Variants in CREBBP observed in about 807,000 individuals in gnomAD.
The protein encoded by CREBBP is CREB binding lysine acetyltransferase.
In CREBBP, 19 loss-of-function variants were observed where a neutral mutation model predicts 265.0. That is an observed-to-expected ratio of 0.07 (90% CI 0.05 to 0.11). The LOEUF (loss-of-function observed/expected upper bound fraction) is 0.11. Ranked by LOEUF, CREBBP falls within the 10% of genes least tolerant of loss-of-function variation. The pLI, the probability that CREBBP is intolerant of heterozygous loss-of-function variation, is 1.00. For synonymous variants in CREBBP, 1,457 were observed against 1,223.7 expected, an observed-to-expected ratio of 1.19 and a Z score of -3.98; for missense variants, 2,525 against 3,219.0, an observed-to-expected ratio of 0.78 and a Z score of 5.22.
At chr16:3,761,968 A>G (rs2052730206) in intron 16 of CREBBP, among the ~76,000 whole-genome samples, 2 of 152,240 alleles carry the variant, frequency 1.3e-5, no homozygotes, top group Non-Finnish European at 2.9e-5. Context: ...ATGGCCCAAG[A>G]GCTAACAATG....
At chr16:3,793,245 G>T in intron 4 of CREBBP, 141 bp downstream of exon 4, 1 of 1,134,030 alleles carries the variant, frequency 8.8e-7, no homozygotes, top group Non-Finnish European at 1.3e-6. Flanking sequence ...TGGGGAACGT[G>T]AGCGCAACAT....
intron 23 of CREBBP, chr16:3,742,364 G>T (rs1432162640): frequency 6.6e-6 from 1 of 152,168 alleles, no homozygotes; most frequent in Non-Finnish European, 1.5e-5. Flanking sequence ...TTATGTCCTT[G>T]TATGTGCCGT....
chr16:3,792,008 T>G lies in CREBBP; in HGVS notation c.1303A>C (p.Asn435His). 1 of 1,614,206 alleles carries G rather than the reference T, an allele frequency of 6.2e-7. No homozygotes were observed. Among genetic ancestry groups the G allele is most frequent in the Non-Finnish European group, 8.5e-7 (1 of 1,180,014 alleles). ...HDCPVCLPLK[N>H]ASDKRNQQTI... is the part of the protein sequence containing the mutation. Reference sequence around the variant, plus strand: ...TGTTGGTTTCGCTTGTCACTGGCATTTTTCAAAGGGAGGCAAACAGGACAG... The same window carrying G: ...TGTTGGTTTCGCTTGTCACTGGCATGTTTCAAAGGGAGGCAAACAGGACAG... The change falls in exon 5 of 31, where the codon AAT (asparagine) becomes CAT (histidine). Residue 435 changes from asparagine to histidine, a missense_variant. Around this residue, in one of 19 missense-constraint regions of CREBBP, gnomAD observed 48 missense variants for 70.2 expected, o/e 0.68. Coordinates refer to ENST00000262367, the MANE Select transcript of CREBBP (RefSeq NM_004380.3).
chr16:3,757,800 A>T lies in CREBBP; in HGVS notation c.3609+9T>A, dbSNP rs918337353. ...AAAATTCACTTTCCGGAAAAACTTA[A>T]AACTGTACCTTGCGTCCACAGCAAT... On this transcript the variant is annotated intron_variant, in intron 18 of 30. Transcript: ENST00000262367. 1.9e-6 allele frequency: 3 copies of T among 1,613,860 alleles called. No homozygotes were observed. The highest frequency in any genetic ancestry group is 2.5e-6 in the Non-Finnish European group (3 of 1,180,036).
At chr16:3,779,860 T>G (rs935916742) in intron 8 of CREBBP, among the ~76,000 whole-genome samples, 1 of 152,034 alleles carries the variant, frequency 6.6e-6, no homozygotes, top group Non-Finnish European at 1.5e-5. Context: ...ACCCAGCACT[T>G]TGGGAGGCCA....
At chr16:3,844,676 A>G (rs1252788417) in intron 2 of CREBBP, among the ~76,000 whole-genome samples, 2 of 152,214 alleles carry the variant, frequency 1.3e-5, no homozygotes. Context: ...CAATAATGCA[A>G]AAGATGACTA....
chr16:3,843,156 T>G (rs1308066325), intron 2 of CREBBP, among the ~76,000 whole-genome samples: 1 of 152,128 alleles, frequency 6.6e-6, no homozygotes, highest in African/African-American at 2.4e-5. Flanking sequence ...TGCATTGCAT[T>G]AGTGTTAACA....
At chr16:3,797,202 C>G (rs2053625203) in intron 3 of CREBBP, among the ~76,000 whole-genome samples, 1 of 152,154 alleles carries the variant, frequency 6.6e-6, no homozygotes, top group Non-Finnish European at 1.5e-5. Flanking sequence ...GTGGTGGAAG[C>G]TGCCCCAAAA....
rs753615659 is a variant in CREBBP at position 3,731,917 on chromosome 16, C to A, written c.4749G>T (p.Lys1583Asn). ...ETTEGSQGDS[K>N]NAKKKNNKKT... ...TCTTGTTGTTCTTCTTCTTGGCATT[C>A]TTGCTGTCGCCCTGACTGCCCTGCA... The change falls in exon 29 of 31, where the codon AAG becomes AAT. Residue 1583 changes from lysine (K) to asparagine (N), a missense_variant. This residue lies in a region of CREBBP where 93 missense variants were observed against 161.5 expected (regional missense o/e 0.58). Transcript: ENST00000262367. This position sits in a 1 kb window ranked among gnomAD's most constrained non-coding sequence, Gnocchi z 7.7. 31 of 1,614,148 alleles carry A rather than the reference C, an allele frequency of 1.9e-5. No individual in the cohort carries two copies. The highest frequency in any genetic ancestry group is 2.7e-5 in the African/African-American group (2 of 74,956).
Position 3,727,911 on chromosome 16 carries a change from T to C in CREBBP, c.7136A>G (p.Gln2379Arg), listed in dbSNP as rs757446484. ...GAGTCCGGGGTGGGGGGAACCAGTC[T>C]GGGGTGAGACGTGGTGTGGCGAAGG... is the stretch of plus-strand genomic sequence containing the variant. ...PQPSPHHVSP[Q>R]TGSPHPGLAV... Residue 2379 changes from glutamine to arginine, a missense_variant, in exon 31 of 31, where the codon CAG becomes CGG. This residue lies in a region of CREBBP where 473 missense variants were observed against 459.3 expected (regional missense o/e 1.03). Coordinates refer to ENST00000262367, the MANE Select transcript of CREBBP (RefSeq NM_004380.3). The C allele has an allele frequency of 6.2e-7, 1 of 1,611,882 alleles. No individual in the cohort carries two copies. Among genetic ancestry groups the C allele is most frequent in the Non-Finnish European group, 8.5e-7 (1 of 1,178,712 alleles).
intron 26 of CREBBP, 155 bp from the exon 27 acceptor site, chr16:3,736,970 G>C (rs1308593477): frequency 2.2e-6 from 2 of 906,982 alleles, no homozygotes; most frequent in Non-Finnish European, 3.4e-6. Context: ...TGGGGGCAAG[G>C]CTCGAACTTT....
intron 1 of CREBBP, among the ~76,000 whole-genome samples, chr16:3,862,012 A>G (rs938134294): frequency 6.6e-6 from 1 of 152,306 alleles, no homozygotes; most frequent in East Asian, 1.9e-4. Flanking sequence ...GAAGGAAGCG[A>G]GTCACTGCTC....
rs576424167 is a variant in CREBBP at position 3,731,297 on chromosome 16, G to C, written c.5067C>G (p.Leu1689=). The change falls in exon 30 of 31, where the codon CTC becomes CTG. Residue 1689 remains leucine (L), a synonymous_variant. Coordinates refer to ENST00000262367, the MANE Select transcript of CREBBP (RefSeq NM_004380.3). The surrounding 1 kb of genome is among the most constrained non-coding windows in gnomAD (Gnocchi z 7.7). ...SSLRRSKWST[L]CMLVELHTQG... Reference sequence around the variant, plus strand: ...GGGTGTGCAGCTCCACCAGCATGCAGAGCGTGGACCACTTGGAGCGGCGCA... The same window carrying C: ...GGGTGTGCAGCTCCACCAGCATGCACAGCGTGGACCACTTGGAGCGGCGCA... 6.2e-7 allele frequency: 1 copy of C among 1,614,212 alleles called. No homozygotes were observed. The highest frequency in any genetic ancestry group is 1.3e-5 in the African/African-American group (1 of 75,070).
intron 1 of CREBBP, among the ~76,000 whole-genome samples, chr16:3,872,504 T>C (rs1241781627): frequency 2.0e-5 from 3 of 152,168 alleles, no homozygotes; most frequent in Non-Finnish European, 2.9e-5. Context: ...CAAAGACTCA[T>C]GCAATAGGAG....
chr16:3,769,676 T>C (rs2052951081), intron 14 of CREBBP, among the ~76,000 whole-genome samples: 1 of 152,200 alleles, frequency 6.6e-6, no homozygotes, highest in South Asian at 2.1e-4. Flanking sequence ...CCCTTCAATA[T>C]GGTGGTTAAT....
chr16:3,862,773 G>A lies in CREBBP; in HGVS notation c.86-11764C>T, dbSNP rs374343463. ...TTTTCCCTTGAAGCTCCCCACGGCA[G>A]AGCAGCCAGCTTTGCCTGCCTGCCT... On this transcript the variant is annotated intron_variant, in intron 1 of 30. Coordinates refer to ENST00000262367, the MANE Select transcript of CREBBP (RefSeq NM_004380.3). Among the ~76,000 whole-genome samples the A allele has an allele frequency of 5.9e-5, 9 of 152,248 alleles. No individual in the cohort carries two copies. In the South Asian group the frequency reaches 1.2e-3, roughly 21 times the overall value.
At chr16:3,783,503 T>C (rs1474903542) in intron 5 of CREBBP, among the ~76,000 whole-genome samples, 2 of 152,252 alleles carry the variant, frequency 1.3e-5, no homozygotes, top group African/African-American at 4.8e-5. Context: ...AATGACAGCA[T>C]GGACATATCC....
chr16:3,869,128 G>A (rs1373207667), intron 1 of CREBBP, among the ~76,000 whole-genome samples: 1 of 152,084 alleles, frequency 6.6e-6, no homozygotes, highest in Non-Finnish European at 1.5e-5. Context: ...TCACCCTCAG[G>A]TGTCAGTGCT....
At chr16:3,826,709 C>T (rs1295971569) in intron 2 of CREBBP, among the ~76,000 whole-genome samples, 2 of 152,092 alleles carry the variant, frequency 1.3e-5, no homozygotes, top group Admixed American at 6.6e-5. Context: ...CAAGGAAAGG[C>T]TGAGAAAACG....
Sources: allele counts gnomAD v4.1 joint callset (sites outside exome capture counted in the v4.1 genomes callset), GRCh38; gene constraint gnomAD v4.1.1; regional missense constraint gnomAD v4.1.1; non-coding constraint Gnocchi (gnomAD v3.1); transcripts MANE v1.5; gene names NCBI Gene and HGNC (gene_info 2026-07-23, HGNC 2026-07-21).